Variants in PLCXD2 observed in about 807,000 individuals in gnomAD.
The protein encoded by PLCXD2 is PI-PLC X domain-containing protein 2.
Under a neutral mutation model 28.6 loss-of-function variants are expected in PLCXD2, and 21 were observed. That is an observed-to-expected ratio of 0.73 (90% CI 0.52 to 1.06). PLCXD2 has a LOEUF of 1.06. PLCXD2 is among the 50% of genes least tolerant of loss of function. The pLI is 0.00. For missense variants in PLCXD2, 369 were observed against 376.7 expected (o/e 0.98, Z 0.17); for synonymous variants, 140 against 150.1 (o/e 0.93, Z 0.49).
intron 1 of PLCXD2, among the ~76,000 whole-genome samples, chr3:111,704,936 C>T (rs150565289): frequency 0.023 from 3,462 of 152,076 alleles, 131 homozygotes; most frequent in African/African-American, 0.079. Context: ...CCTCAGCCTC[C>T]CAAGTAGCTG....
intron 1 of PLCXD2, among the ~76,000 whole-genome samples, chr3:111,700,639 G>T (rs1553971): frequency 0.17 from 25,667 of 152,048 alleles, 2,285 homozygotes; most frequent in South Asian, 0.21. Flanking sequence ...TAGTAAAAAG[G>T]TGTGTTAGAA....
Position 111,714,054 on chromosome 3 carries a change from A to G in PLCXD2, c.792A>G (p.Gln264=). The G allele has an allele frequency of 6.2e-7, 1 of 1,614,114 alleles. No homozygotes were observed. The highest frequency in any genetic ancestry group is 8.5e-7 in the Non-Finnish European group (1 of 1,180,022). ...CACGGGGCTCCTTCCATGTCTCCCA[A>G]GCGATCCTCACCCCCAGAGTGAAGA... Residue 264 remains glutamine (Q), a synonymous_variant, in exon 3 of 5, where the codon CAA becomes CAG. Transcript: ENST00000477665.
intron 3 of PLCXD2, chr3:111,724,031 G>C (rs1941382526): frequency 6.6e-6 from 1 of 152,102 alleles, no homozygotes; most frequent in Non-Finnish European, 1.5e-5. Context: ...CCATGGCTTT[G>C]TGGCAAAGGG....
At chr3:111,720,063 G>C (rs1941324756) in intron 3 of PLCXD2, among the ~76,000 whole-genome samples, 1 of 152,140 alleles carries the variant, frequency 6.6e-6, no homozygotes. Context: ...TATGTGGTAA[G>C]CAAGTATAGT....
chr3:111,684,018 C>T (rs1180106269), intron 1 of PLCXD2, among the ~76,000 whole-genome samples: 3 of 151,950 alleles, frequency 2.0e-5, no homozygotes, highest in Non-Finnish European at 4.4e-5. Flanking sequence ...AGTAAAGTGG[C>T]AACATACTTA....
chr3:111,706,826 A>C (rs973509887), intron 1 of PLCXD2, among the ~76,000 whole-genome samples: 7 of 151,658 alleles, frequency 4.6e-5, no homozygotes, highest in East Asian at 3.9e-4. Context: ...AAAAAAAAAA[A>C]ACACAAAGAG....
intron 3 of PLCXD2, among the ~76,000 whole-genome samples, chr3:111,720,016 G>C (rs1430639903): frequency 1.3e-5 from 2 of 152,064 alleles, no homozygotes; most frequent in Non-Finnish European, 2.9e-5. Context: ...AATACAAGAT[G>C]GATTGATGGA....
intron 1 of PLCXD2, among the ~76,000 whole-genome samples, chr3:111,679,542 T>C (rs746358997): frequency 5.9e-5 from 9 of 152,190 alleles, no homozygotes; most frequent in Admixed American, 2.0e-4. Flanking sequence ...ATTGAAAGTA[T>C]GGAAAGTATG....
At chr3:111,707,857 C>T in intron 1 of PLCXD2, 69 bp from the exon 2 acceptor site, 1 of 1,388,926 alleles carries the variant, frequency 7.2e-7, no homozygotes, top group Non-Finnish European at 9.7e-7. Flanking sequence ...GTTTTGTTTT[C>T]TCATCAATTG....
chr3:111,710,833 T>C (rs1941190470), intron 2 of PLCXD2, among the ~76,000 whole-genome samples: 1 of 152,184 alleles, frequency 6.6e-6, no homozygotes, highest in South Asian at 2.1e-4. Context: ...TGGGTTGACA[T>C]ATTGCATACT....
At chr3:111,715,235 C>T (rs1174343771) in intron 3 of PLCXD2, among the ~76,000 whole-genome samples, 2 of 152,184 alleles carry the variant, frequency 1.3e-5, no homozygotes, top group African/African-American at 2.4e-5. Context: ...TATAAACCAG[C>T]ACTATATCTC....
chr3:111,701,039 A>G (rs1477564684), intron 1 of PLCXD2, among the ~76,000 whole-genome samples: 1 of 152,152 alleles, frequency 6.6e-6, no homozygotes, highest in African/African-American at 2.4e-5. Flanking sequence ...GTCAGCTAAT[A>G]AGATAGAGAG....
intron 1 of PLCXD2, among the ~76,000 whole-genome samples, chr3:111,693,075 G>C (rs1021763269): frequency 6.6e-6 from 1 of 152,144 alleles, no homozygotes; most frequent in African/African-American, 2.4e-5. Flanking sequence ...TATATAACCA[G>C]GGAAAAGCAA....
rs114238962 is a variant in PLCXD2 at position 111,688,335 on chromosome 3, G to A, written c.163+12927G>A. 7.0e-3 allele frequency among the ~76,000 whole-genome samples: 1,061 copies of A among 152,310 alleles called. 13 individuals carry two copies. The highest frequency in any genetic ancestry group is 0.025 in the African/African-American group (1,028 of 41,580). ...ATAGTTACTGTTTATTGCTCTGAAAGGCTGCAGATCAAAATCAGCTAAAGG... is the reference window on the plus strand; with the variant it reads ...ATAGTTACTGTTTATTGCTCTGAAAAGCTGCAGATCAAAATCAGCTAAAGG... On this transcript the variant is annotated intron_variant, in intron 1 of 4. Transcript: ENST00000477665.
chr3:111,679,392 C>T (rs1426294561), intron 1 of PLCXD2, among the ~76,000 whole-genome samples: 1 of 152,192 alleles, frequency 6.6e-6, no homozygotes, highest in Non-Finnish European at 1.5e-5. Flanking sequence ...TGTCATAGTA[C>T]TTCTCAACAC....
chr3:111,685,382 G>A (rs115899236), intron 1 of PLCXD2, among the ~76,000 whole-genome samples: 7 of 152,258 alleles, frequency 4.6e-5, no homozygotes, highest in African/African-American at 1.4e-4. Flanking sequence ...TTGGCAGCTT[G>A]GGCATGAGTG....
intron 3 of PLCXD2, among the ~76,000 whole-genome samples, chr3:111,718,105 G>A (rs1941293359): frequency 6.6e-6 from 1 of 151,936 alleles, no homozygotes; most frequent in Non-Finnish European, 1.5e-5. Flanking sequence ...TCACTCTTCA[G>A]GAGTCCCCGT....
At chr3:111,720,653 C>G (rs1271111666) in intron 3 of PLCXD2, 70 bp from the exon 4 acceptor site, 1 of 416,174 alleles carries the variant, frequency 2.4e-6, no homozygotes, top group Non-Finnish European at 4.4e-6. Context: ...TGTTTTATGT[C>G]CATGTCTGGA....
intron 1 of PLCXD2, among the ~76,000 whole-genome samples, chr3:111,690,103 C>G (rs906700956): frequency 4.0e-5 from 6 of 150,522 alleles, no homozygotes; most frequent in African/African-American, 1.5e-4. Context: ...GCAGATGGCC[C>G]CCCAAAATCC....
Sources: allele counts gnomAD v4.1 joint callset (sites outside exome capture counted in the v4.1 genomes callset), GRCh38; gene constraint gnomAD v4.1.1; transcripts MANE v1.5; gene names NCBI Gene and HGNC (gene_info 2026-07-23, HGNC 2026-07-21).